The following MTSS2 variants were observed in gnomAD, a reference collection of about 807,000 sequenced individuals.
The protein encoded by MTSS2 is MTSS I-BAR domain containing 2, also known as protein MTSS 2.
In MTSS2, 27 loss-of-function variants were observed where a neutral mutation model predicts 67.1. The observed-to-expected ratio is 0.40, with a 90% confidence interval of 0.30 to 0.55. The LOEUF is 0.55. MTSS2 is among the 20% of genes least tolerant of loss of function. The pLI, the probability that MTSS2 is intolerant of heterozygous loss-of-function variation, is 0.43. For missense variants in MTSS2, 1,171 were observed against 1,067.8 expected (o/e 1.10, Z -1.35); for synonymous variants, 624 against 468.6 (o/e 1.33, Z -4.28).
rs969659868 is a variant in MTSS2, at chr16:70,661,913, C to G, written c.*1764G>C. On this transcript the variant is annotated 3_prime_UTR_variant, in exon 15 of 15. Transcript: ENST00000338779. ...CTGGGGAGAATGTGTGGCGGAAATT[C>G]TACCCAAGACTCCCCAAATAATTGG... 6.5e-6 allele frequency: 1 copy of G among 153,950 alleles called. No individual in the cohort carries two copies. Among genetic ancestry groups the G allele is most frequent in the African/African-American group, 2.4e-5 (1 of 41,464 alleles). 9.5% of individuals were successfully genotyped at this position (153,950 alleles called of 1,614,324 possible).
In MTSS2 at chr16:70,664,760, C is replaced by G. The variant is rs747680003; in HGVS notation, c.1309G>C (p.Gly437Arg). ...MSPATIAAKHGEEVSPAASDL... is the reference protein window; with the variant it reads ...MSPATIAAKHREEVSPAASDL... The stretch of plus-strand genomic sequence containing the variant: ...CTGGCGGCGGGGGACACCTCCTCAC[C>G]GTGCTGAGGGTGGGAAAGTGCAGGC... The change falls in exon 14 of 15, where the codon GGT becomes CGT. Residue 437 changes from glycine (G) to arginine (R), a missense_variant. Physicochemically the swap from Gly to Arg is moderately radical, Grantham distance 125 (BLOSUM62 -2). Around this residue, in one of 2 missense-constraint regions of MTSS2, gnomAD observed 924 missense variants for 756.0 expected, o/e 1.22. Transcript: ENST00000338779. The G allele has an allele frequency of 6.2e-6, 10 of 1,609,582 alleles. No homozygotes were observed. Among genetic ancestry groups the G allele is most frequent in the Admixed American group, 1.7e-5 (1 of 59,506 alleles).
intron 1 of MTSS2, among the ~76,000 whole-genome samples, chr16:70,685,091 C>T (rs911160048): frequency 1.1e-4 from 17 of 152,104 alleles, no homozygotes; most frequent in Non-Finnish European, 2.9e-5. Context: ...GTTGCTCCAC[C>T]GACCCCAACC....
chr16:70,665,272 C>T (rs1373822712), intron 12 of MTSS2, 176 bp from the exon 13 acceptor site: 9 of 934,134 alleles, frequency 9.6e-6, no homozygotes, highest in Non-Finnish European at 1.4e-5. Context: ...CCCACCAGGC[C>T]CAGGGGTAAG....
rs892665973 is a variant in MTSS2 at position 70,670,539 on chromosome 16, C to T, written c.1053+3767G>A. Among the ~76,000 whole-genome samples, 5 of 152,168 alleles carry T rather than the reference C, an allele frequency of 3.3e-5. 1 individual carries two copies. The highest frequency in any genetic ancestry group is 1.2e-4 in the African/African-American group (5 of 41,418). On this transcript the variant is annotated intron_variant, in intron 11 of 14. Coordinates refer to ENST00000338779, the MANE Select transcript of MTSS2 (RefSeq NM_138383.3). ...AAAATGGTTAAATTACATATTCACA[C>T]AATAGAATGCCATATAGCAATGAGC...
At chr16:70,679,919 C>A (rs1160928928) in intron 4 of MTSS2, 42 bp from the exon 5 acceptor site, 1 of 1,525,378 alleles carries the variant, frequency 6.6e-7, no homozygotes, top group Non-Finnish European at 8.8e-7. Context: ...GCCGGGCTCC[C>A]CCGCGACGCC....
chr16:70,663,710 G>T lies in MTSS2; in HGVS notation c.2211C>A (p.Val737=). Residue 737 remains valine, a synonymous_variant, in exon 15 of 15, where the codon GTC becomes GTA. Transcript: ENST00000338779. The part of the protein sequence containing the change: ...IRRGVRLRRT[V]TNDRSAPRIL ...TGCGGGGCGCCGACCTGTCGTTGGTGACGGTCCTGCGGAGCCGGACCCCAC... is the reference window on the plus strand; with the variant it reads ...TGCGGGGCGCCGACCTGTCGTTGGTTACGGTCCTGCGGAGCCGGACCCCAC... 2 of 1,588,362 alleles carry T rather than the reference G, an allele frequency of 1.3e-6. No individual in the cohort carries two copies. The highest frequency in any genetic ancestry group is 1.7e-6 in the Non-Finnish European group (2 of 1,168,896).
At chr16:70,673,298 G>C (rs1162133438) in intron 11 of MTSS2, among the ~76,000 whole-genome samples, 1 of 152,152 alleles carries the variant, frequency 6.6e-6, no homozygotes, top group Non-Finnish European at 1.5e-5. Context: ...AAACTAAAGA[G>C]AAGGCCTAAA....
At position 70,665,032 on chromosome 16, in the gene MTSS2, C is replaced by G. The variant is rs992699706; in HGVS notation, c.1193G>C (p.Arg398Pro). ...SGATLQRRKDRVELLRDTEPG... is the reference protein window; with the variant it reads ...SGATLQRRKDPVELLRDTEPG... The stretch of plus-strand genomic sequence containing the variant: ...CTCTGTGTCTCGCAGGAGCTCCACT[C>G]GGTCCTTCCTCCGCTGCAGAGTGGC... Residue 398 changes from arginine (R) to proline (P), a missense_variant, in exon 13 of 15, where the codon CGA becomes CCA. Arg to Pro is a moderately radical substitution (Grantham distance 103). Transcript: ENST00000338779. 3.8e-6 allele frequency: 6 copies of G among 1,596,970 alleles called. No individual in the cohort carries two copies. The highest frequency in any genetic ancestry group is 5.1e-6 in the Non-Finnish European group (6 of 1,179,490).
chr16:70,674,427 G>T lies in MTSS2; in HGVS notation c.932C>A (p.Ala311Glu), dbSNP rs547591161. 6.2e-7 allele frequency: 1 copy of T among 1,614,168 alleles called. No homozygotes were observed. The highest frequency in any genetic ancestry group is 8.5e-7 in the Non-Finnish European group (1 of 1,180,026). Residue 311 changes from alanine to glutamate, a missense_variant, in exon 11 of 15, where the codon GCG becomes GAG. Coordinates refer to ENST00000338779, the MANE Select transcript of MTSS2 (RefSeq NM_138383.3). ...GCGAGCGGTGGTGGTGGCTGGCTGC[G>T]CCAGGCTGCGGTAGCGACAGGTGGA... is the stretch of plus-strand genomic sequence containing the variant. ...PSSTCRYRSL[A>E]QPATTTARLS...
chr16:70,663,491 C>G lies in MTSS2; in HGVS notation c.*186G>C. On this transcript the variant is annotated 3_prime_UTR_variant, in exon 15 of 15. Coordinates refer to ENST00000338779, the MANE Select transcript of MTSS2 (RefSeq NM_138383.3). ...GCCTGCAGGCTCCGTCCTGGCCAGGCTTGCTAAGAAGTCACTTCCTGTTTA... is the reference window on the plus strand; with the variant it reads ...GCCTGCAGGCTCCGTCCTGGCCAGGGTTGCTAAGAAGTCACTTCCTGTTTA... 8.5e-7 allele frequency: 1 copy of G among 1,182,136 alleles called. No individual in the cohort carries two copies. The highest frequency in any genetic ancestry group is 1.1e-6 in the Non-Finnish European group (1 of 877,750). The allele number at this position is 1,182,136 out of a possible 1,614,324, so 73.2% of individuals were successfully genotyped here.
Position 70,663,588 on chromosome 16 carries a change from T to G in MTSS2, c.*89A>C. The G allele has an allele frequency of 2.8e-6, 4 of 1,453,040 alleles. No individual in the cohort carries two copies. The highest frequency in any genetic ancestry group is 3.6e-6 in the Non-Finnish European group (4 of 1,102,016). 90.0% of individuals were successfully genotyped at this position (1,453,040 alleles called of 1,614,324 possible). A position where few individuals can be genotyped will look rare whatever the true frequency, so the allele number is the denominator to read the frequency against. ...TCTGCCCTGGCTCTGTCCTCTCTCC[T>G]GGCTGGGCCTTTGCTCTGAGTGCCT... On this transcript the variant is annotated 3_prime_UTR_variant, in exon 15 of 15. Coordinates refer to ENST00000338779, the MANE Select transcript of MTSS2 (RefSeq NM_138383.3).
chr16:70,675,510 A>T (rs1287452043), intron 10 of MTSS2, among the ~76,000 whole-genome samples: 1 of 152,174 alleles, frequency 6.6e-6, no homozygotes, highest in Admixed American at 6.5e-5. Context: ...CCTAAAGAAT[A>T]TATCTTTATC....
rs2053232400 is a variant in MTSS2 at position 70,679,613 on chromosome 16, G to A, written c.457+17C>T. 1.9e-6 allele frequency: 3 copies of A among 1,584,952 alleles called. No individual in the cohort carries two copies. The highest frequency in any genetic ancestry group is 1.7e-6 in the Non-Finnish European group (2 of 1,165,340). On this transcript the variant is annotated intron_variant, in intron 6 of 14. Coordinates refer to ENST00000338779, the MANE Select transcript of MTSS2 (RefSeq NM_138383.3). ...GGGGCCGTGGGGCTGTGGCTGGGGGGCCGCGCCAGGCACTACCTTTGCGCG... is the reference window on the plus strand; with the variant it reads ...GGGGCCGTGGGGCTGTGGCTGGGGGACCGCGCCAGGCACTACCTTTGCGCG...
At position 70,661,292 on chromosome 16, in the gene MTSS2, T is replaced by C. The variant is rs1351321772; in HGVS notation, c.*2385A>G. 1.1e-5 allele frequency: 5 copies of C among 437,164 alleles called. No homozygotes were observed. Among genetic ancestry groups the C allele is most frequent in the African/African-American group, 4.5e-5 (2 of 44,700 alleles). 27.1% of individuals were successfully genotyped at this position (437,164 alleles called of 1,614,324 possible). A position where few individuals can be genotyped will look rare whatever the true frequency, so the allele number is the denominator to read the frequency against. ...GTGACTATATTTAAATCGGGGAGGA[T>C]GGTGTGGAGGGGGCGGGGAGGAGAG... On this transcript the variant is annotated 3_prime_UTR_variant, in exon 15 of 15. Transcript: ENST00000338779.
chr16:70,661,479 C>T lies in MTSS2; in HGVS notation c.*2198G>A, dbSNP rs1335555465. 2.8e-6 allele frequency: 1 copy of T among 353,830 alleles called. No homozygotes were observed. Among genetic ancestry groups the T allele is most frequent in the Non-Finnish European group, 5.6e-6 (1 of 179,310 alleles). 21.9% of individuals were successfully genotyped at this position (353,830 alleles called of 1,614,324 possible). A position where few individuals can be genotyped will look rare whatever the true frequency, so the allele number is the denominator to read the frequency against. On this transcript the variant is annotated 3_prime_UTR_variant, in exon 15 of 15. Coordinates refer to ENST00000338779, the MANE Select transcript of MTSS2 (RefSeq NM_138383.3). ...GTTAACAACAGCACCAGGAAAGTTA[C>T]TTCAGTCAAAAGACGCTTTTGAAAA...
At chr16:70,679,923 C>G (rs553866711) in intron 4 of MTSS2, 46 bp from the exon 5 acceptor site, 1 of 1,522,810 alleles carries the variant, frequency 6.6e-7, no homozygotes, top group African/African-American at 1.4e-5. Flanking sequence ...GGCTCCCCCG[C>G]GACGCCCCGT....
In MTSS2 at chr16:70,685,994, GGCGGGCGGCGCGGGGGGCGCGGC is replaced by G. The variant is rs1266840854; in HGVS notation, c.-226_-204del. On this transcript the variant is annotated 5_prime_UTR_variant, in exon 1 of 15. Coordinates refer to ENST00000338779, the MANE Select transcript of MTSS2 (RefSeq NM_138383.3). ...GCGCGGGCCATGTCGCAGCGGGGCT[GGCGGGCGGCGCGGGGGGCGCGGC>G]GCGGGCAGCTCGCGGCGCAGCCTCG... The G allele has an allele frequency of 6.7e-6, 1 of 148,770 alleles. No individual in the cohort carries two copies. Among genetic ancestry groups the G allele is most frequent in the Non-Finnish European group, 1.5e-5 (1 of 67,490 alleles). The allele number at this position is 148,770 out of a possible 1,614,324, so 9.2% of individuals were successfully genotyped here. A position where few individuals can be genotyped will look rare whatever the true frequency, so the allele number is the denominator to read the frequency against.
chr16:70,684,874 G>A lies in MTSS2; in HGVS notation c.69+849C>T, dbSNP rs1031728889. 3.3e-5 allele frequency among the ~76,000 whole-genome samples: 5 copies of A among 152,292 alleles called. No homozygotes were observed. The East Asian group carries it at 7.7e-4, about 24-fold the overall frequency. Reference sequence around the variant, plus strand: ...AGGAACCCACTAATTTTCCCAGGAGGAAAAATGGGGGCTGAGGTCAGGGGA... The same window carrying A: ...AGGAACCCACTAATTTTCCCAGGAGAAAAAATGGGGGCTGAGGTCAGGGGA... On this transcript the variant is annotated intron_variant, in intron 1 of 14. Transcript: ENST00000338779.
At chr16:70,677,103 C>T (rs1190355008) in intron 9 of MTSS2, 125 bp from the exon 10 acceptor site, 4 of 685,316 alleles carry the variant, frequency 5.8e-6, no homozygotes, top group Non-Finnish European at 7.3e-6. Flanking sequence ...CTGAAGCCCC[C>T]TCCCCCAGGC....
Sources: allele counts gnomAD v4.1 joint callset (sites outside exome capture counted in the v4.1 genomes callset), GRCh38; gene constraint gnomAD v4.1.1; regional missense constraint gnomAD v4.1.1; transcripts MANE v1.5; gene names NCBI Gene and HGNC (gene_info 2026-07-23, HGNC 2026-07-21).